The following KIAA1217 variants were observed in gnomAD, a reference collection of about 807,000 sequenced individuals.
KIAA1217 encodes sickle tail protein homolog.
A neutral mutation model predicts 163.9 loss-of-function variants in KIAA1217; 88 were observed. The observed-to-expected ratio is 0.54, with a 90% CI of 0.45 to 0.64. The LOEUF (loss-of-function observed/expected upper bound fraction) is 0.64, where lower values mean the gene tolerates loss of function less well. Ranked by LOEUF, KIAA1217 falls within the 30% of genes least tolerant of loss-of-function variation. KIAA1217 has a pLI of 0.00. For missense variants in KIAA1217, 2,372 were observed against 2,475.0 expected (o/e 0.96, Z 0.88); for synonymous variants, 903 against 923.1 (o/e 0.98, Z 0.39).
intron 6 of KIAA1217, among the ~76,000 whole-genome samples, chr10:24,474,956 C>A (rs563775934): frequency 6.6e-6 from 1 of 152,204 alleles, no homozygotes; most frequent in South Asian, 2.1e-4. Flanking sequence ...CAGTGGCTTA[C>A]GCCTGTAATC....
intron 2 of KIAA1217, among the ~76,000 whole-genome samples, chr10:24,375,425 C>T (rs538234417): frequency 6.6e-6 from 1 of 152,126 alleles, no homozygotes; most frequent in Non-Finnish European, 1.5e-5. Flanking sequence ...TATTAATTTT[C>T]CTTTGGAGTA....
At position 24,524,582 on chromosome 10, in the gene KIAA1217, C is replaced by T. The variant is rs984159630; in HGVS notation, c.2716C>T (p.Pro906Ser). Residue 906 changes from proline (P) to serine (S), a missense_variant, in exon 13 of 21, where the codon CCT becomes TCT. Transcript: ENST00000376454. ...CCAGCACTCCGTGGCCCTGCTGAAC[C>T]CTGCTCAGAACTTGCCTCACGTGGC... ...PSQHSVALLN[P>S]AQNLPHVASS... is the part of the protein sequence containing the mutation. 3.7e-6 allele frequency: 6 copies of T among 1,613,952 alleles called. No individual in the cohort carries two copies. The African/African-American group carries it at 8.0e-5, about 22-fold the overall frequency.
At chr10:23,913,317 T>C (rs1218989090) in intron 1 of KIAA1217, among the ~76,000 whole-genome samples, 1 of 151,976 alleles carries the variant, frequency 6.6e-6, no homozygotes, top group Non-Finnish European at 1.5e-5. Context: ...ATGAAGTACA[T>C]GAGTTTATAT....
chr10:23,821,614 C>T (rs184419008), intron 1 of KIAA1217, among the ~76,000 whole-genome samples: 3 of 152,210 alleles, frequency 2.0e-5, no homozygotes, highest in African/African-American at 7.2e-5. Context: ...TTTCCTCATG[C>T]TCCTCCATCT....
rs184033753 is a variant in KIAA1217, at chr10:23,869,988, C to T, written c.-320-137237C>T. 8.5e-5 allele frequency among the ~76,000 whole-genome samples: 13 copies of T among 152,172 alleles called. No homozygotes were observed. The South Asian group carries it at 1.5e-3, about 17-fold the overall frequency. On this transcript the variant is annotated intron_variant, in intron 1 of 18. Coordinates refer to the KIAA1217 transcript ENST00000376462. Reference sequence around the variant, plus strand: ...AACAACACAAATTATGTTGAAGCAACGTTAAGCCCAATTTTTCATAAATAT... The same window carrying T: ...AACAACACAAATTATGTTGAAGCAATGTTAAGCCCAATTTTTCATAAATAT...
rs1052300918 is a variant in KIAA1217 at position 24,300,905 on chromosome 10, C to T, written c.355-79964C>T. Among the ~76,000 whole-genome samples the T allele has an allele frequency of 9.2e-5, 14 of 152,182 alleles. 1 individual carries two copies. In the East Asian group the frequency reaches 1.9e-3, roughly 21 times the overall value. On this transcript the variant is annotated intron_variant, in intron 2 of 20. Coordinates refer to ENST00000376454, the MANE Select transcript of KIAA1217 (RefSeq NM_019590.5). ...TTGGCTCACTGCAACCTCTGCCTTC[C>T]GGGTTCAAGCAATTCTCATGCCTCT...
intron 2 of KIAA1217, among the ~76,000 whole-genome samples, chr10:24,027,007 A>C (rs1847982362): frequency 6.6e-6 from 1 of 151,978 alleles, no homozygotes; most frequent in African/African-American, 2.4e-5. Context: ...TTTCATCTTT[A>C]ACCCATAGGT....
chr10:23,700,108 T>C (rs1212006841), intron 1 of KIAA1217, among the ~76,000 whole-genome samples: 1 of 152,196 alleles, frequency 6.6e-6, no homozygotes, highest in African/African-American at 2.4e-5. Context: ...ACTTTATGGA[T>C]AGACGTGACC....
chr10:24,044,627 T>C (rs1474491356), intron 2 of KIAA1217, among the ~76,000 whole-genome samples: 1 of 152,106 alleles, frequency 6.6e-6, no homozygotes, highest in Non-Finnish European at 1.5e-5. Context: ...GTACTTTTAT[T>C]TGGGTATTAA....
At chr10:23,837,066 G>A (rs910829462) in intron 1 of KIAA1217, among the ~76,000 whole-genome samples, 2 of 152,168 alleles carry the variant, frequency 1.3e-5, no homozygotes, top group South Asian at 2.1e-4. Flanking sequence ...CTATGTTCAT[G>A]TATGCACATT....
chr10:24,082,288 G>A (rs1454933059), intron 2 of KIAA1217, among the ~76,000 whole-genome samples: 3 of 151,760 alleles, frequency 2.0e-5, no homozygotes, highest in Non-Finnish European at 4.4e-5. Flanking sequence ...GGATGTACAG[G>A]TTTGCTACAT....
In KIAA1217 at chr10:23,889,537, T is replaced by A. The variant is rs140365293; in HGVS notation, c.-320-117688T>A. On this transcript the variant is annotated intron_variant, in intron 1 of 18. Transcript: ENST00000376462. ...TTCTTTAACCATTCTAGATGTGAGC[T>A]CTTTGTCAGTTATTTGTTTTGCAAA... is the stretch of plus-strand genomic sequence containing the variant. Among the ~76,000 whole-genome samples, 53 of 152,094 alleles carry A rather than the reference T, an allele frequency of 3.5e-4. No individual in the cohort carries two copies. In the East Asian group the frequency reaches 9.3e-3, roughly 27 times the overall value.
At chr10:23,722,560 T>G (rs1317321627) in intron 1 of KIAA1217, among the ~76,000 whole-genome samples, 2 of 152,230 alleles carry the variant, frequency 1.3e-5, no homozygotes, top group African/African-American at 4.8e-5. Context: ...ATATTTTCCA[T>G]ATATATTTAG....
intron 3 of KIAA1217, among the ~76,000 whole-genome samples, chr10:24,416,706 C>G (rs140852827): frequency 1.2e-4 from 18 of 152,156 alleles, no homozygotes; most frequent in East Asian, 7.7e-4. Flanking sequence ...GGGTCCCCCC[C>G]ACATCCCAGC....
intron 1 of KIAA1217, among the ~76,000 whole-genome samples, chr10:23,732,866 T>C (rs1217196629): frequency 6.6e-6 from 1 of 152,200 alleles, no homozygotes; most frequent in Non-Finnish European, 1.5e-5. Context: ...AACTTTAACA[T>C]TGCTCTTTTT....
chr10:24,384,719 G>T (rs1166723435), intron 3 of KIAA1217, among the ~76,000 whole-genome samples: 3 of 152,250 alleles, frequency 2.0e-5, no homozygotes, highest in Non-Finnish European at 4.4e-5. Context: ...AGTATTTTTA[G>T]TAGAGACCAG....
intron 8 of KIAA1217, among the ~76,000 whole-genome samples, chr10:24,500,072 G>A (rs1050786834): frequency 2.6e-5 from 4 of 152,228 alleles, no homozygotes; most frequent in Non-Finnish European, 5.9e-5. Flanking sequence ...TGGAAAGACA[G>A]GGTACCACCA....
chr10:24,520,119 G>A lies in KIAA1217; in HGVS notation c.2178-4G>A, dbSNP rs1337440852. ...TCTATGTGCTGGTGTCCTTGCTCCCGCAGCGAGTTGGAAGACTTTGTTGAA... is the reference window on the plus strand; with the variant it reads ...TCTATGTGCTGGTGTCCTTGCTCCCACAGCGAGTTGGAAGACTTTGTTGAA... On this transcript the variant is annotated splice_polypyrimidine_tract_variant and splice_region_variant and intron_variant, in intron 10 of 20. Coordinates refer to ENST00000376454, the MANE Select transcript of KIAA1217 (RefSeq NM_019590.5). 15 of 1,613,234 alleles carry A rather than the reference G, an allele frequency of 9.3e-6. No homozygotes were observed. Among genetic ancestry groups the A allele is most frequent in the African/African-American group, 2.7e-5 (2 of 74,896 alleles).
At chr10:24,249,763 C>T (rs915847604) in intron 2 of KIAA1217, among the ~76,000 whole-genome samples, 5 of 152,178 alleles carry the variant, frequency 3.3e-5, no homozygotes, top group Non-Finnish European at 5.9e-5. Context: ...GGAGAGATAC[C>T]TGTAAACCAA....
Sources: allele counts gnomAD v4.1 joint callset (sites outside exome capture counted in the v4.1 genomes callset), GRCh38; gene constraint gnomAD v4.1.1; transcripts MANE v1.5; gene names NCBI Gene and HGNC (gene_info 2026-07-23, HGNC 2026-07-21).